The following SGCD variants were observed in gnomAD, a reference collection of about 807,000 sequenced individuals.
SGCD encodes delta-sarcoglycan.
A neutral mutation model predicts 36.6 loss-of-function variants in SGCD; 18 were observed. The observed-to-expected ratio is 0.49, with a 90% CI of 0.34 to 0.73. SGCD has a LOEUF of 0.73. Among genes scored for constraint, SGCD ranks in the 30% least tolerant of loss-of-function variants. The pLI is 0.01. For missense variants in SGCD, 387 were observed against 346.7 expected (o/e 1.12, Z -0.92); for synonymous variants, 133 against 130.6 (o/e 1.02, Z -0.12).
At chr5:155,837,607 T>G in the SGCD span, among the ~76,000 whole-genome samples, 2,850 of 152,352 alleles carry the variant, frequency 0.019, 41 homozygotes, top group Middle Eastern at 0.044. Context: ...CCAGTAGCCC[T>G]CCTTCCTTCC....
At chr5:156,020,064 C>G (rs1004146936) in intron 1 of SGCD, among the ~76,000 whole-genome samples, 44 of 152,328 alleles carry the variant, frequency 2.9e-4, no homozygotes, top group African/African-American at 1.0e-3. Context: ...TTCCATGTCA[C>G]TTGCCCAGAT....
intron 3 of SGCD, among the ~76,000 whole-genome samples, chr5:156,197,667 C>A (rs934184400): frequency 6.6e-6 from 1 of 151,912 alleles, no homozygotes; most frequent in Non-Finnish European, 1.5e-5. Flanking sequence ...TATATTTGTT[C>A]TCTTGCTTAC....
At chr5:156,345,272 C>T (rs998752740) in intron 3 of SGCD, among the ~76,000 whole-genome samples, 1 of 151,488 alleles carries the variant, frequency 6.6e-6, no homozygotes, top group Non-Finnish European at 1.5e-5. Flanking sequence ...GTTTATGTTT[C>T]TTCAATGAAA....
At chr5:156,139,944 C>T (rs900313145) in intron 3 of SGCD, among the ~76,000 whole-genome samples, 1 of 152,282 alleles carries the variant, frequency 6.6e-6, no homozygotes, top group African/African-American at 2.4e-5. Flanking sequence ...AGGAAGTGCT[C>T]TCTGTCATTT....
chr5:155,995,653 T>C (rs1051645824), intron 1 of SGCD, among the ~76,000 whole-genome samples: 1 of 152,202 alleles, frequency 6.6e-6, no homozygotes, highest in Non-Finnish European at 1.5e-5. Flanking sequence ...ATAAACAAGT[T>C]GTAAAGGATA....
chr5:156,630,388 G>A (rs1397913335), intron 6 of SGCD, among the ~76,000 whole-genome samples: 2 of 152,182 alleles, frequency 1.3e-5, no homozygotes, highest in Non-Finnish European at 2.9e-5. Context: ...CAGGCAAACT[G>A]ACACTAGCTT....
chr5:156,645,123 A>G (rs536808851), intron 6 of SGCD, among the ~76,000 whole-genome samples: 50 of 152,270 alleles, frequency 3.3e-4, no homozygotes, highest in African/African-American at 1.1e-3. Flanking sequence ...ATCATTTTTG[A>G]GAGACATTAA....
chr5:156,263,141 A>G (rs1411877051), intron 3 of SGCD, among the ~76,000 whole-genome samples: 1 of 151,958 alleles, frequency 6.6e-6, no homozygotes, highest in Non-Finnish European at 1.5e-5. Flanking sequence ...GGATTGCTGG[A>G]TCAAATGGTA....
intron 3 of SGCD, among the ~76,000 whole-genome samples, chr5:156,445,650 A>C (rs1753726981): frequency 6.6e-6 from 1 of 152,122 alleles, no homozygotes; most frequent in Non-Finnish European, 1.5e-5. Context: ...TAGGAAAGTC[A>C]CTTAACCTCT....
intron 1 of SGCD, among the ~76,000 whole-genome samples, chr5:155,933,368 T>G (rs933827842): frequency 1.3e-5 from 2 of 152,230 alleles, no homozygotes; most frequent in African/African-American, 4.8e-5. Context: ...TATCAGAAAC[T>G]GCAATGCTCA....
chr5:156,617,586 C>T (rs754057043), intron 6 of SGCD, among the ~76,000 whole-genome samples: 20 of 152,164 alleles, frequency 1.3e-4, no homozygotes, highest in Non-Finnish European at 2.8e-4. Flanking sequence ...AGGTCCACTG[C>T]CCAGTGGGAG....
intron 3 of SGCD, among the ~76,000 whole-genome samples, chr5:156,211,283 C>T (rs1764434656): frequency 6.6e-6 from 1 of 151,996 alleles, no homozygotes. Flanking sequence ...ATGAACAGAC[C>T]AGTCTTAGAA....
chr5:156,597,855 A>G (rs1760994763), intron 6 of SGCD, among the ~76,000 whole-genome samples: 2 of 152,166 alleles, frequency 1.3e-5, no homozygotes, highest in Non-Finnish European at 2.9e-5. Flanking sequence ...GGTAGACACC[A>G]TTTTTATCAC....
chr5:156,224,474 G>T (rs1005981442), intron 3 of SGCD, among the ~76,000 whole-genome samples: 1 of 152,070 alleles, frequency 6.6e-6, no homozygotes, highest in Non-Finnish European at 1.5e-5. Context: ...TCAATCTATC[G>T]TTATCATCAT....
chr5:155,980,194 A>C (rs1290388725), intron 1 of SGCD, among the ~76,000 whole-genome samples: 1 of 152,162 alleles, frequency 6.6e-6, no homozygotes, highest in Non-Finnish European at 1.5e-5. Flanking sequence ...TTGTTTATAA[A>C]GCACTTGTTT....
intron 1 of SGCD, among the ~76,000 whole-genome samples, chr5:155,873,317 A>G (rs1055855188): frequency 1.3e-5 from 2 of 152,198 alleles, no homozygotes; most frequent in African/African-American, 4.8e-5. Flanking sequence ...ACATGCAGCC[A>G]CTTGAATGGA....
At chr5:155,776,675 A>G in the SGCD span, among the ~76,000 whole-genome samples, 1 of 127,886 alleles carries the variant, frequency 7.8e-6, no homozygotes, top group Non-Finnish European at 1.6e-5. Flanking sequence ...CAGCTTCACT[A>G]TGCAGGAAGC....
chr5:156,289,602 A>T (rs1275340935), intron 3 of SGCD, among the ~76,000 whole-genome samples: 1 of 150,548 alleles, frequency 6.6e-6, no homozygotes, highest in African/African-American at 2.4e-5. Context: ...TTTTATTTTT[A>T]TTTTATTTTA....
intron 3 of SGCD, among the ~76,000 whole-genome samples, chr5:156,235,905 A>G (rs1465654726): frequency 6.6e-6 from 1 of 152,192 alleles, no homozygotes; most frequent in East Asian, 1.9e-4. Flanking sequence ...ACTTTTGTGA[A>G]ATGAGTCTAT....
Sources: allele counts gnomAD v4.1 joint callset (sites outside exome capture counted in the v4.1 genomes callset), GRCh38; gene constraint gnomAD v4.1.1; transcripts MANE v1.5; gene names NCBI Gene and HGNC (gene_info 2026-07-23, HGNC 2026-07-21).